PDZRN4: variants seen among roughly 807,000 people sequenced by gnomAD.
PDZRN4 encodes PDZ domain-containing RING finger protein 4.
In PDZRN4, 70 loss-of-function variants were observed where a neutral mutation model predicts 99.0. The ratio of observed to expected loss-of-function variants is 0.71; its 90% CI spans 0.58 to 0.86. The LOEUF is 0.86. Among genes scored for constraint, PDZRN4 ranks in the 40% least tolerant of loss-of-function variants. The probability of loss-of-function intolerance (pLI) is 0.00; values close to 1 mark genes in which losing one functional copy is unlikely to be tolerated. For missense variants in PDZRN4, 1,474 were observed against 1,331.2 expected (o/e 1.11, Z -1.67); for synonymous variants, 551 against 501.6 (o/e 1.10, Z -1.32).
Position 41,209,427 on chromosome 12 carries a change from T to C in PDZRN4, c.843+15239T>C, listed in dbSNP as rs1029340187. Among the ~76,000 whole-genome samples the C allele has an allele frequency of 2.0e-5, 3 of 152,116 alleles. No individual in the cohort carries two copies. In the East Asian group the frequency reaches 5.8e-4, roughly 30 times the overall value. ...TTGTTACATATGTATACATGTGGCGTGTTGGTGTGCTGCACCCATTAACTC... is the reference window on the plus strand; with the variant it reads ...TTGTTACATATGTATACATGTGGCGCGTTGGTGTGCTGCACCCATTAACTC... On this transcript the variant is annotated intron_variant, in intron 3 of 9. Coordinates refer to ENST00000402685, the MANE Select transcript of PDZRN4 (RefSeq NM_001164595.2).
intron 3 of PDZRN4, among the ~76,000 whole-genome samples, chr12:41,291,198 T>G (rs1018202380): frequency 2.6e-5 from 4 of 152,138 alleles, no homozygotes; most frequent in Non-Finnish European, 5.9e-5. Context: ...CTAGGAACAT[T>G]ATGATCACTG....
At chr12:41,538,266 T>A (rs1938783881) in intron 5 of PDZRN4, among the ~76,000 whole-genome samples, 1 of 152,208 alleles carries the variant, frequency 6.6e-6, no homozygotes, top group South Asian at 2.1e-4. Context: ...TCTAGAAATT[T>A]TTCTTTGAAT....
At chr12:41,221,160 A>G (rs1223435371) in intron 3 of PDZRN4, among the ~76,000 whole-genome samples, 2 of 152,178 alleles carry the variant, frequency 1.3e-5, no homozygotes, top group African/African-American at 4.8e-5. Context: ...GAGAGGGGCT[A>G]CCCAGGAGAG....
intron 3 of PDZRN4, among the ~76,000 whole-genome samples, chr12:41,251,837 G>A (rs1002460684): frequency 3.9e-5 from 6 of 152,040 alleles, no homozygotes; most frequent in Admixed American, 2.6e-4. Flanking sequence ...AAAATAAGGC[G>A]AGGCATGGTG....
intron 3 of PDZRN4, among the ~76,000 whole-genome samples, chr12:41,428,462 A>G (rs907680703): frequency 6.6e-5 from 10 of 152,212 alleles, no homozygotes; most frequent in African/African-American, 2.4e-4. Flanking sequence ...CAATGTTGAG[A>G]GAGGAATGAA....
intron 2 of PDZRN4, among the ~76,000 whole-genome samples, chr12:41,191,785 T>TTTATTTTG (rs1555215302): frequency 6.7e-6 from 1 of 150,280 alleles, no homozygotes; most frequent in African/African-American, 2.5e-5. Flanking sequence ...TATTTATTTA[T>TTTATTTTG]TTTGTTTGTT....
chr12:41,260,202 A>G (rs1197460718), intron 3 of PDZRN4, among the ~76,000 whole-genome samples: 10 of 152,076 alleles, frequency 6.6e-5, no homozygotes, highest in Non-Finnish European at 1.2e-4. Flanking sequence ...TTTCCTTTTC[A>G]TGTGTTTTAC....
At chr12:41,342,397 A>G (rs1369043281) in intron 3 of PDZRN4, among the ~76,000 whole-genome samples, 1 of 151,928 alleles carries the variant, frequency 6.6e-6, no homozygotes, top group Non-Finnish European at 1.5e-5. Context: ...GAAACCCTTA[A>G]CAGACAACCT....
intron 3 of PDZRN4, among the ~76,000 whole-genome samples, chr12:41,500,742 GA>G (rs1327342189): frequency 2.0e-5 from 3 of 151,504 alleles, no homozygotes; most frequent in East Asian, 1.9e-4. Context: ...AAAGTTTAGG[GA>G]AAAAAAAGCA....
intron 3 of PDZRN4, among the ~76,000 whole-genome samples, chr12:41,338,541 A>C (rs1039584580): frequency 2.0e-5 from 3 of 152,032 alleles, no homozygotes; most frequent in Admixed American, 2.0e-4. Context: ...CGAAAAGATA[A>C]AAAAATCAAC....
At position 41,403,960 on chromosome 12, in the gene PDZRN4, G is replaced by C. The variant is rs185679977; in HGVS notation, c.844-102496G>C. Among the ~76,000 whole-genome samples the C allele has an allele frequency of 3.3e-3, 501 of 152,230 alleles. 5 individuals are homozygous for C. The highest frequency in any genetic ancestry group is 5.1e-3 in the Non-Finnish European group (350 of 68,010). On this transcript the variant is annotated intron_variant, in intron 3 of 9. Transcript: ENST00000402685. ...GTTGTCCCTTGGTATCTATTGGGGT[G>C]TTGGCTGCAGGAACCCTCAGGGATA...
At chr12:41,234,817 A>G (rs1951054716) in intron 3 of PDZRN4, among the ~76,000 whole-genome samples, 1 of 152,122 alleles carries the variant, frequency 6.6e-6, no homozygotes, top group South Asian at 2.1e-4. Context: ...TAACCCTACG[A>G]CAGATGGAGA....
chr12:41,407,293 G>A (rs529268676), intron 3 of PDZRN4, among the ~76,000 whole-genome samples: 1 of 152,188 alleles, frequency 6.6e-6, no homozygotes, highest in African/African-American at 2.4e-5. Flanking sequence ...TTTATAAGAA[G>A]GCTTCTAAGT....
At chr12:41,484,194 G>A (rs763769819) in intron 3 of PDZRN4, among the ~76,000 whole-genome samples, 2 of 152,004 alleles carry the variant, frequency 1.3e-5, no homozygotes, top group African/African-American at 2.4e-5. Context: ...ACAAGTTGAG[G>A]GACAAGGTGA....
chr12:41,389,716 C>G (rs913097440), intron 3 of PDZRN4, among the ~76,000 whole-genome samples: 1 of 152,144 alleles, frequency 6.6e-6, no homozygotes, highest in Non-Finnish European at 1.5e-5. Flanking sequence ...TACACTATTC[C>G]CTGTTTATGG....
chr12:41,513,307 A>T (rs2120692784), intron 5 of PDZRN4, among the ~76,000 whole-genome samples: 1 of 152,124 alleles, frequency 6.6e-6, no homozygotes, highest in African/African-American at 2.4e-5. Flanking sequence ...CTCTATGAAA[A>T]TTTAATGACA....
At chr12:41,220,221 A>C (rs1450733478) in intron 3 of PDZRN4, among the ~76,000 whole-genome samples, 3 of 152,100 alleles carry the variant, frequency 2.0e-5, no homozygotes, top group Non-Finnish European at 4.4e-5. Flanking sequence ...TCCAAGATCA[A>C]GTGTCGGCTG....
At chr12:41,436,068 A>G (rs942011593) in intron 3 of PDZRN4, among the ~76,000 whole-genome samples, 1 of 152,196 alleles carries the variant, frequency 6.6e-6, no homozygotes, top group African/African-American at 2.4e-5. Context: ...GCCACTTCAA[A>G]TACCTTTTTG....
Position 41,382,323 on chromosome 12 carries a change from G to A in PDZRN4, c.844-124133G>A, listed in dbSNP as rs144012676. Among the ~76,000 whole-genome samples the A allele has an allele frequency of 6.6e-5, 10 of 152,246 alleles. No individual in the cohort carries two copies. In the East Asian group the frequency reaches 1.9e-3, roughly 30 times the overall value. On this transcript the variant is annotated intron_variant, in intron 3 of 9. Coordinates refer to ENST00000402685, the MANE Select transcript of PDZRN4 (RefSeq NM_001164595.2). ...ACAATTGGGTGAGACCACAGGCTCT[G>A]CCCTGTGTTTGGGTATGGTCACTGA...
Sources: allele counts gnomAD v4.1 joint callset (sites outside exome capture counted in the v4.1 genomes callset), GRCh38; gene constraint gnomAD v4.1.1; transcripts MANE v1.5; gene names NCBI Gene and HGNC (gene_info 2026-07-23, HGNC 2026-07-21).